The following CYP7B1 variants were observed in gnomAD, a reference collection of about 807,000 sequenced individuals.
The protein encoded by CYP7B1 is cytochrome P450 7B1.
In CYP7B1, 29 loss-of-function variants were observed where a neutral mutation model predicts 42.7. The ratio of observed to expected loss-of-function variants is 0.68; its 90% CI spans 0.51 to 0.93. CYP7B1 has a LOEUF of 0.93. Among genes scored for constraint, CYP7B1 ranks in the 40% least tolerant of loss-of-function variants. The probability of loss-of-function intolerance (pLI) is 0.00; values close to 1 mark genes in which losing one functional copy is unlikely to be tolerated. For missense variants in CYP7B1, 655 were observed against 600.5 expected (o/e 1.09, Z -0.95); for synonymous variants, 235 against 218.2 (o/e 1.08, Z -0.68).
chr8:64,725,860 C>G (rs1807315728), intron 1 of CYP7B1, among the ~76,000 whole-genome samples: 1 of 152,204 alleles, frequency 6.6e-6, no homozygotes, highest in African/African-American at 2.4e-5. Context: ...TCTCCTTCAT[C>G]ATGCCCTGAC....
intron 1 of CYP7B1, among the ~76,000 whole-genome samples, chr8:64,637,708 G>T (rs745866222): frequency 6.6e-6 from 1 of 152,092 alleles, no homozygotes; most frequent in African/African-American, 2.4e-5. Context: ...ACCCCATCTT[G>T]TCTGTACCCT....
At chr8:64,659,546 T>C (rs192434399) in intron 1 of CYP7B1, among the ~76,000 whole-genome samples, 1 of 152,360 alleles carries the variant, frequency 6.6e-6, no homozygotes, top group Non-Finnish European at 1.5e-5. Context: ...ATAATTTATC[T>C]GATTTCCTAT....
intron 1 of CYP7B1, among the ~76,000 whole-genome samples, chr8:64,781,716 C>T (rs1395360044): frequency 3.9e-5 from 6 of 152,124 alleles, no homozygotes; most frequent in Non-Finnish European, 5.9e-5. Flanking sequence ...GATTAGCAAC[C>T]TTCATTCCTT....
At chr8:64,770,694 G>A (rs1256611816) in intron 1 of CYP7B1, among the ~76,000 whole-genome samples, 1 of 152,196 alleles carries the variant, frequency 6.6e-6, no homozygotes, top group African/African-American at 2.4e-5. Context: ...GTGCTCAAGA[G>A]TGCCTGGCAC....
chr8:64,671,759 C>T (rs888411662), intron 1 of CYP7B1, among the ~76,000 whole-genome samples: 3 of 152,004 alleles, frequency 2.0e-5, no homozygotes, highest in Non-Finnish European at 4.4e-5. Context: ...CATACACACA[C>T]GTATATATCT....
At chr8:64,767,477 G>T (rs1804117563) in intron 1 of CYP7B1, among the ~76,000 whole-genome samples, 1 of 152,220 alleles carries the variant, frequency 6.6e-6, no homozygotes, top group South Asian at 2.1e-4. Context: ...GCAGAAGAAA[G>T]AACGGGGAAC....
At chr8:64,756,439 T>G (rs1337658607) in intron 1 of CYP7B1, among the ~76,000 whole-genome samples, 1 of 152,220 alleles carries the variant, frequency 6.6e-6, no homozygotes, top group Non-Finnish European at 1.5e-5. Flanking sequence ...AAACATTTTC[T>G]AAGCTCAGGG....
intron 1 of CYP7B1, among the ~76,000 whole-genome samples, chr8:64,797,178 C>T (rs1804717810): frequency 6.6e-6 from 1 of 152,168 alleles, no homozygotes; most frequent in East Asian, 1.9e-4. Context: ...TTTTGCCTTC[C>T]TGTCCCTCAA....
chr8:64,764,229 G>GCCCGGGCCCCCCCCCCCCCCCCCCCC (rs1807936126), intron 1 of CYP7B1, among the ~76,000 whole-genome samples: 1 of 125,150 alleles, frequency 8.0e-6, no homozygotes, highest in Non-Finnish European at 1.7e-5. Flanking sequence ...CTTCCACGCT[G>GCCCGGGCCCCCCCCCCCCCCCCCCCC]CCCCCCCCAC....
intron 1 of CYP7B1, among the ~76,000 whole-genome samples, chr8:64,674,156 G>C (rs1270913867): frequency 6.6e-6 from 1 of 152,040 alleles, no homozygotes; most frequent in Admixed American, 6.6e-5. Flanking sequence ...AGTCTTACTA[G>C]GAAGAATCGG....
At chr8:64,637,295 C>T (rs1339521840) in intron 1 of CYP7B1, among the ~76,000 whole-genome samples, 1 of 152,132 alleles carries the variant, frequency 6.6e-6, no homozygotes, top group African/African-American at 2.4e-5. Flanking sequence ...GCCTGAGGCC[C>T]CATATGCTAT....
At chr8:64,631,617 C>CA (rs1805698311) in intron 1 of CYP7B1, among the ~76,000 whole-genome samples, 1 of 152,062 alleles carries the variant, frequency 6.6e-6, no homozygotes. Flanking sequence ...AAACAACTGA[C>CA]AGAGTCAAAA....
At position 64,643,192 on chromosome 8, in the gene CYP7B1, T is replaced by TATATACATATATACACACACACACAC. The variant is rs1563374454; in HGVS notation, c.123-18654_123-18653insGTGTGTGTGTGTGTATATATGTATAT. Reference sequence around the variant, plus strand: ...ATATACATATATATACATATATATATACACACACACACACACACACATATA... The same window carrying TATATACATATATACACACACACACAC: ...ATATACATATATATACATATATATATATATACATATATACACACACACACACACACACACACACACACACACATATA... On this transcript the variant is annotated intron_variant, in intron 1 of 5. Transcript: ENST00000310193. Among the ~76,000 whole-genome samples, 4 of 115,190 alleles carry TATATACATATATACACACACACACAC rather than the reference T, an allele frequency of 3.5e-5. 1 individual carries two copies. Among genetic ancestry groups the TATATACATATATACACACACACACAC allele is most frequent in the African/African-American group, 1.2e-4 (4 of 34,216 alleles). The allele number at this position is 115,190 out of a possible 152,430, so 75.6% of individuals were successfully genotyped here. A position where few individuals can be genotyped will look rare whatever the true frequency, so the allele number is the denominator to read the frequency against.
rs183333448 is a variant in CYP7B1 at position 64,767,225 on chromosome 8, C to T, written c.122+31241G>A. Among the ~76,000 whole-genome samples the T allele has an allele frequency of 1.5e-3, 222 of 152,296 alleles. 3 individuals carry two copies. Among genetic ancestry groups the T allele is most frequent in the Admixed American group, 0.01 (158 of 15,302 alleles). On this transcript the variant is annotated intron_variant, in intron 1 of 5. Transcript: ENST00000310193. ...GGAGAGAAAGGGAATTCCTAACTTC[C>T]GAGGGAACACCTGTCAAACATCAGG...
intron 1 of CYP7B1, among the ~76,000 whole-genome samples, chr8:64,652,154 C>T (rs751211504): frequency 6.6e-6 from 1 of 152,194 alleles, no homozygotes; most frequent in Non-Finnish European, 1.5e-5. Flanking sequence ...TGACTCCTAG[C>T]CTATGATCTC....
At chr8:64,745,909 T>A (rs1458592668) in intron 1 of CYP7B1, among the ~76,000 whole-genome samples, 1 of 152,190 alleles carries the variant, frequency 6.6e-6, no homozygotes, top group Admixed American at 6.6e-5. Flanking sequence ...TGCAAACAGC[T>A]GCCTCTGCCA....
At chr8:64,709,132 T>A (rs1293273803) in intron 1 of CYP7B1, among the ~76,000 whole-genome samples, 1 of 152,206 alleles carries the variant, frequency 6.6e-6, no homozygotes, top group Non-Finnish European at 1.5e-5. Flanking sequence ...GCAACACTGA[T>A]CCTCCTGGGA....
At chr8:64,658,091 T>C (rs1196296313) in intron 1 of CYP7B1, among the ~76,000 whole-genome samples, 1 of 152,152 alleles carries the variant, frequency 6.6e-6, no homozygotes, top group Non-Finnish European at 1.5e-5. Context: ...CTATTCCCAT[T>C]CAAGAGAGCT....
intron 2 of CYP7B1, among the ~76,000 whole-genome samples, chr8:64,622,159 C>A (rs140454294): frequency 1.3e-5 from 2 of 149,000 alleles, no homozygotes; most frequent in Admixed American, 6.6e-5. Context: ...GCATTATTTG[C>A]ATAATACTGC....
Sources: allele counts gnomAD v4.1 joint callset (sites outside exome capture counted in the v4.1 genomes callset), GRCh38; gene constraint gnomAD v4.1.1; transcripts MANE v1.5; gene names NCBI Gene and HGNC (gene_info 2026-07-23, HGNC 2026-07-21).